CELF4: variants seen among roughly 807,000 people sequenced by gnomAD.
The protein encoded by CELF4 is CUG-BP- and ETR-3-like factor 4.
Under a neutral mutation model 59.9 loss-of-function variants are expected in CELF4, and 18 were observed. The observed-to-expected ratio is 0.30, with a 90% CI of 0.21 to 0.45. The LOEUF (loss-of-function observed/expected upper bound fraction) is 0.45, where lower values mean the gene tolerates loss of function less well. Ranked by LOEUF, CELF4 falls within the 20% of genes least tolerant of loss-of-function variation. The pLI is 1.00. For missense variants in CELF4, 456 were observed against 689.0 expected (o/e 0.66, Z 3.79); for synonymous variants, 261 against 267.1 (o/e 0.98, Z 0.22).
chr18:37,502,389 G>C (rs746230683), intron 1 of CELF4, among the ~76,000 whole-genome samples: 4 of 152,124 alleles, frequency 2.6e-5, no homozygotes, highest in Admixed American at 6.5e-5. Context: ...AGGGAGGAAG[G>C]AAGGGGGGGC....
chr18:37,492,027 T>A (rs558559857), intron 1 of CELF4, among the ~76,000 whole-genome samples: 2 of 152,328 alleles, frequency 1.3e-5, no homozygotes, highest in East Asian at 3.9e-4. Flanking sequence ...CCCGATGTGA[T>A]GCTCTCCCTC....
chr18:37,465,933 G>A (rs1435231033), intron 2 of CELF4, among the ~76,000 whole-genome samples: 1 of 152,158 alleles, frequency 6.6e-6, no homozygotes, highest in Non-Finnish European at 1.5e-5. Context: ...CCCAGAAGCT[G>A]GGGTTAGGAA....
At chr18:37,402,886 C>T (rs1310013485) in intron 2 of CELF4, among the ~76,000 whole-genome samples, 1 of 152,172 alleles carries the variant, frequency 6.6e-6, no homozygotes, top group East Asian at 1.9e-4. Flanking sequence ...AGGAGCCTTC[C>T]CTGGGCCCTT....
At chr18:37,448,686 T>C (rs2099754868) in intron 2 of CELF4, among the ~76,000 whole-genome samples, 1 of 152,214 alleles carries the variant, frequency 6.6e-6, no homozygotes, top group Admixed American at 6.5e-5. Flanking sequence ...GGAATAGATG[T>C]GGCCACCCCA....
At chr18:37,297,701 C>G (rs2095742234) in intron 3 of CELF4, among the ~76,000 whole-genome samples, 1 of 152,256 alleles carries the variant, frequency 6.6e-6, no homozygotes, top group Admixed American at 6.5e-5. Flanking sequence ...CAGGCAGGGT[C>G]CCCAAAGGCA....
intron 2 of CELF4, among the ~76,000 whole-genome samples, chr18:37,419,641 C>G (rs1444812242): frequency 6.6e-6 from 1 of 152,152 alleles, no homozygotes; most frequent in Admixed American, 6.5e-5. Context: ...AGGTGGTCAG[C>G]CTGGCCTTCC....
intron 2 of CELF4, among the ~76,000 whole-genome samples, chr18:37,469,609 T>C (rs112702540): frequency 1.5e-3 from 224 of 152,260 alleles, no homozygotes; most frequent in African/African-American, 5.1e-3. Flanking sequence ...AACAAGCACA[T>C]CGCATTAGCT....
intron 2 of CELF4, among the ~76,000 whole-genome samples, chr18:37,329,641 C>T (rs1261121960): frequency 1.3e-5 from 2 of 152,224 alleles, no homozygotes; most frequent in Non-Finnish European, 2.9e-5. Flanking sequence ...CTGGCTGGTA[C>T]AGCAATGATT....
chr18:37,470,868 GTGTGTGTGTGTGTGT>G (rs1221098074), intron 2 of CELF4, among the ~76,000 whole-genome samples: 73 of 125,664 alleles, frequency 5.8e-4, no homozygotes, highest in African/African-American at 1.8e-3. Context: ...GTGTGTGTGT[GTGTGTGTGTGTGTGT>G]GTGTGACAGA....
At chr18:37,564,167 A>G (rs2099987417) in intron 1 of CELF4, among the ~76,000 whole-genome samples, 1 of 152,150 alleles carries the variant, frequency 6.6e-6, no homozygotes. Flanking sequence ...CACATCCCCT[A>G]CAACTTCCTT....
chr18:37,293,401 C>T (rs903648192), intron 3 of CELF4, among the ~76,000 whole-genome samples: 1 of 152,230 alleles, frequency 6.6e-6, no homozygotes, highest in African/African-American at 2.4e-5. Flanking sequence ...TCTATCCCTA[C>T]GTGGTGCTCT....
intron 2 of CELF4, among the ~76,000 whole-genome samples, chr18:37,471,508 C>T (rs2099830269): frequency 6.6e-6 from 1 of 152,120 alleles, no homozygotes; most frequent in South Asian, 2.1e-4. Context: ...CTTGCCTTTG[C>T]CCCTGCTGTC....
chr18:37,378,826 C>T (rs2154568385), intron 2 of CELF4, among the ~76,000 whole-genome samples: 2 of 152,180 alleles, frequency 1.3e-5, no homozygotes, highest in South Asian at 4.1e-4. Context: ...AAAAGCAGGC[C>T]CTGGGGACAG....
At chr18:37,461,721 G>A (rs2099794118) in intron 2 of CELF4, among the ~76,000 whole-genome samples, 1 of 152,220 alleles carries the variant, frequency 6.6e-6, no homozygotes, top group African/African-American at 2.4e-5. Context: ...TGGTCACCGA[G>A]TCCCAGCAGT....
intron 2 of CELF4, among the ~76,000 whole-genome samples, chr18:37,422,554 TGTAC>T (rs2099584564): frequency 6.6e-6 from 1 of 152,202 alleles, no homozygotes; most frequent in Non-Finnish European, 1.5e-5. Flanking sequence ...AGGGAGCAGC[TGTAC>T]CTGAAGAAGA....
At chr18:37,280,712 T>C (rs191979581) in intron 3 of CELF4, among the ~76,000 whole-genome samples, 61 of 152,310 alleles carry the variant, frequency 4.0e-4, no homozygotes, top group African/African-American at 1.4e-3. Context: ...GGCTGCCCTT[T>C]TCACCTGCTC....
At chr18:37,479,370 A>C (rs1358693767) in intron 2 of CELF4, among the ~76,000 whole-genome samples, 1 of 152,128 alleles carries the variant, frequency 6.6e-6, no homozygotes, top group Non-Finnish European at 1.5e-5. Context: ...GGGTTTCTCT[A>C]CCTTGGCATT....
At chr18:37,338,794 G>GTGTGT (rs1557282748) in intron 2 of CELF4, among the ~76,000 whole-genome samples, 3 of 103,592 alleles carry the variant, frequency 2.9e-5, no homozygotes, top group Non-Finnish European at 7.0e-5. Flanking sequence ...GTGTGTGTGT[G>GTGTGT]GTGTGTGTGA....
chr18:37,367,738 A>G (rs2098804147), intron 2 of CELF4, among the ~76,000 whole-genome samples: 2 of 151,774 alleles, frequency 1.3e-5, no homozygotes, highest in Admixed American at 1.3e-4. Context: ...CGAAAGCACA[A>G]GTGACATTTG....
Sources: allele counts gnomAD v4.1 joint callset (sites outside exome capture counted in the v4.1 genomes callset), GRCh38; gene constraint gnomAD v4.1.1; transcripts MANE v1.5; gene names NCBI Gene and HGNC (gene_info 2026-07-23, HGNC 2026-07-21).